Variants in VPS13B observed in about 807,000 individuals in gnomAD.
VPS13B encodes the protein vacuolar protein sorting 13 homolog B.
Under a neutral mutation model 426.4 loss-of-function variants are expected in VPS13B, and 285 were observed. The observed-to-expected ratio is 0.67, with a 90% CI of 0.61 to 0.74. The LOEUF (loss-of-function observed/expected upper bound fraction) is 0.74. VPS13B is among the 30% of genes least tolerant of loss of function. The pLI is 0.00. For synonymous variants in VPS13B, 1,676 were observed against 1,676.4 expected (o/e 1.00, Z 0.01); for missense variants, 4,537 against 4,782.6 (o/e 0.95, Z 1.51).
chr8:99,588,760 C>T (rs962071225), intron 33 of VPS13B, among the ~76,000 whole-genome samples: 1 of 151,724 alleles, frequency 6.6e-6, no homozygotes, highest in African/African-American at 2.4e-5. Context: ...CATCTGCAAA[C>T]AGGGACAATT....
At chr8:99,521,911 C>T (rs1822395662) in intron 30 of VPS13B, among the ~76,000 whole-genome samples, 1 of 151,956 alleles carries the variant, frequency 6.6e-6, no homozygotes, top group Admixed American at 6.6e-5. Context: ...ATAATTTCTT[C>T]CTTTGACTTA....
chr8:99,463,279 T>C (rs1352687313), intron 23 of VPS13B, among the ~76,000 whole-genome samples: 2 of 152,248 alleles, frequency 1.3e-5, no homozygotes, highest in Admixed American at 1.3e-4. Flanking sequence ...TAGAGTATTA[T>C]ATTTCTTTAT....
chr8:99,317,306 T>C (rs774539488), intron 19 of VPS13B, among the ~76,000 whole-genome samples: 4 of 152,200 alleles, frequency 2.6e-5, no homozygotes, highest in Non-Finnish European at 4.4e-5. Context: ...CATGTATACA[T>C]TGTGTAATGA....
chr8:99,817,892 TA>T, intron 45 of VPS13B, 89 bp downstream of exon 45: 1 of 1,592,422 alleles, frequency 6.3e-7, no homozygotes. Context: ...CTTAATTTAT[TA>T]AAAAGTGACA....
intron 17 of VPS13B, among the ~76,000 whole-genome samples, chr8:99,263,759 A>G (rs1361643026): frequency 6.6e-6 from 1 of 152,128 alleles, no homozygotes; most frequent in East Asian, 1.9e-4. Context: ...CTGATTAGGA[A>G]TCTGAATTTT....
chr8:99,242,302 A>G (rs1816974158), intron 17 of VPS13B, among the ~76,000 whole-genome samples: 1 of 152,184 alleles, frequency 6.6e-6, no homozygotes, highest in South Asian at 2.1e-4. Flanking sequence ...ATTGGTTTCT[A>G]ATATTAATGG....
At chr8:99,295,084 C>T (rs921181286) in intron 19 of VPS13B, among the ~76,000 whole-genome samples, 6 of 152,048 alleles carry the variant, frequency 3.9e-5, no homozygotes, top group Non-Finnish European at 8.8e-5. Flanking sequence ...TAGTGACATA[C>T]TGAGATTTTA....
intron 43 of VPS13B, among the ~76,000 whole-genome samples, chr8:99,801,024 G>A (rs1301603063): frequency 1.3e-5 from 2 of 152,104 alleles, no homozygotes; most frequent in Non-Finnish European, 2.9e-5. Context: ...TAACATATGA[G>A]TAGCATTATT....
intron 39 of VPS13B, among the ~76,000 whole-genome samples, chr8:99,739,372 G>T (rs1438221344): frequency 6.6e-6 from 1 of 152,242 alleles, no homozygotes; most frequent in African/African-American, 2.4e-5. Flanking sequence ...AGGCCTGCCT[G>T]CCTCTGTAGA....
At chr8:99,853,327 G>A in intron 55 of VPS13B, 124 bp from the exon 56 acceptor site, 13 of 978,414 alleles carry the variant, frequency 1.3e-5, no homozygotes, top group Admixed American at 2.4e-5. Flanking sequence ...GTTCTTATTT[G>A]TTTCTTATGA....
At chr8:99,602,647 C>T (rs1827365762) in intron 33 of VPS13B, among the ~76,000 whole-genome samples, 1 of 152,106 alleles carries the variant, frequency 6.6e-6, no homozygotes, top group Admixed American at 6.5e-5. Flanking sequence ...TTGTCTCAGC[C>T]CAAAATCTCC....
intron 33 of VPS13B, among the ~76,000 whole-genome samples, chr8:99,628,391 A>C (rs927650883): frequency 6.6e-6 from 1 of 150,706 alleles, no homozygotes; most frequent in Admixed American, 6.6e-5. Flanking sequence ...AATCTGCAGG[A>C]AAAAAAAAAT....
At chr8:99,698,822 A>G (rs1482865192) in intron 35 of VPS13B, among the ~76,000 whole-genome samples, 2 of 152,232 alleles carry the variant, frequency 1.3e-5, no homozygotes, top group African/African-American at 4.8e-5. Context: ...TAAAAACAAT[A>G]CAGCTAGTTT....
At chr8:99,730,921 A>C (rs1833573490) in intron 39 of VPS13B, among the ~76,000 whole-genome samples, 1 of 152,168 alleles carries the variant, frequency 6.6e-6, no homozygotes, top group African/African-American at 2.4e-5. Context: ...AACGAAGCTT[A>C]CATTTGAATT....
chr8:99,027,888 G>A (rs199795567), intron 2 of VPS13B, among the ~76,000 whole-genome samples: 7,471 of 151,994 alleles, frequency 0.049, 205 homozygotes, highest in African/African-American at 0.071. Context: ...AGGACCCTGC[G>A]GCCTTCCGCA....
chr8:99,524,642 A>T (rs912333148), intron 30 of VPS13B, among the ~76,000 whole-genome samples: 3 of 152,110 alleles, frequency 2.0e-5, no homozygotes, highest in African/African-American at 7.2e-5. Flanking sequence ...AAAAACTTAA[A>T]ACTTAGTCAG....
chr8:99,324,513 G>A (rs1371181498), intron 19 of VPS13B, among the ~76,000 whole-genome samples: 1 of 152,056 alleles, frequency 6.6e-6, no homozygotes, highest in Non-Finnish European at 1.5e-5. Flanking sequence ...TGGGGCTGGG[G>A]TTCTGGCTGC....
At chr8:99,864,889 TG>T (rs1817014344) in intron 58 of VPS13B, among the ~76,000 whole-genome samples, 1 of 152,170 alleles carries the variant, frequency 6.6e-6, no homozygotes, top group Admixed American at 6.5e-5. Flanking sequence ...AATCAGGATG[TG>T]GGGAGACTGA....
intron 35 of VPS13B, among the ~76,000 whole-genome samples, chr8:99,682,294 A>C (rs1209878038): frequency 6.6e-6 from 1 of 152,216 alleles, no homozygotes; most frequent in East Asian, 1.9e-4. Flanking sequence ...GCAAAACCCC[A>C]TTCTACTAAA....
Sources: gnomAD v4.1 joint callset for allele counts (sites outside exome capture counted in the v4.1 genomes callset) on GRCh38, gnomAD v4.1.1 for gene constraint, MANE v1.5 for transcripts, NCBI Gene and HGNC (gene_info 2026-07-23, HGNC 2026-07-21) for gene names.